TMEM108: variants seen among roughly 807,000 people sequenced by gnomAD.
TMEM108 encodes the protein cancer/testis antigen 124.
Under a neutral mutation model 35.1 loss-of-function variants are expected in TMEM108, and 12 were observed. That is an observed-to-expected ratio of 0.34 (90% confidence interval 0.22 to 0.55). TMEM108 has a LOEUF of 0.55. TMEM108 is among the 20% of genes least tolerant of loss of function. The pLI, the probability that TMEM108 is intolerant of heterozygous loss-of-function variation, is 0.89. For synonymous variants in TMEM108, 287 were observed against 308.6 expected (o/e 0.93, Z 0.73); for missense variants, 680 against 753.3 (o/e 0.90, Z 1.14).
At chr3:133,384,224 T>G (rs565927925) in intron 4 of TMEM108, among the ~76,000 whole-genome samples, 1 of 142,740 alleles carries the variant, frequency 7.0e-6, no homozygotes, top group African/African-American at 2.6e-5. Context: ...TGCCAGATAT[T>G]TCAGGCACTC....
At chr3:133,195,536 T>C (rs559353537) in intron 2 of TMEM108, among the ~76,000 whole-genome samples, 52 of 152,328 alleles carry the variant, frequency 3.4e-4, no homozygotes, top group African/African-American at 1.1e-3. Context: ...CTGTTGTGGC[T>C]CTTAACCTAC....
intron 3 of TMEM108, among the ~76,000 whole-genome samples, chr3:133,313,164 A>G (rs1272830235): frequency 6.6e-6 from 1 of 152,024 alleles, no homozygotes; most frequent in Non-Finnish European, 1.5e-5. Context: ...ATACATTTTC[A>G]AAATTTCTGG....
chr3:133,380,199 G>GCAGGCCCCC lies in TMEM108; in HGVS notation c.498_506dup (p.Arg167_Pro169dup), dbSNP rs774096839. 11 of 1,610,346 alleles carry GCAGGCCCCC rather than the reference G, an allele frequency of 6.8e-6. No individual in the cohort carries two copies. Among genetic ancestry groups the GCAGGCCCCC allele is most frequent in the Admixed American group, 3.4e-5 (2 of 59,586 alleles). On this transcript the variant is annotated inframe_insertion, in exon 4 of 6. Transcript: ENST00000321871. The surrounding 1 kb of genome is among the most constrained non-coding windows in gnomAD (Gnocchi z 5.3). ...ACAGCGCCCCCCCGCACTACCACAC[G>GCAGGCCCCC]CAGGCCCCCCAGGCCCCCAGGCTCT...
rs183892801 is a variant in TMEM108, at chr3:133,160,124, T to A, written c.-46-69142T>A. Among the ~76,000 whole-genome samples the A allele has an allele frequency of 2.6e-5, 4 of 152,336 alleles. No homozygotes were observed. In the East Asian group the frequency reaches 7.7e-4, roughly 29 times the overall value. ...GAGGGGGCTGGCTTTCTGGCCCATC[T>A]GAGGCAGAAGGCACCCTCCAGGTAG... On this transcript the variant is annotated intron_variant, in intron 2 of 5. Transcript: ENST00000321871.
rs747803018 is a variant in TMEM108 at position 133,395,992 on chromosome 3, G to A, written c.*6G>A. 1.3e-6 allele frequency: 2 copies of A among 1,558,424 alleles called. No individual in the cohort carries two copies. Among genetic ancestry groups the A allele is most frequent in the East Asian group, 2.4e-5 (1 of 41,664 alleles). On this transcript the variant is annotated 3_prime_UTR_variant, in exon 6 of 6. Coordinates refer to ENST00000321871, the MANE Select transcript of TMEM108 (RefSeq NM_023943.4). ...ATCAAGTATCTGAGATCTAACTACA[G>A]CAGGCATCACTTTGCCATTCCGTAT...
At chr3:133,128,047 A>G (rs1309976017) in intron 2 of TMEM108, among the ~76,000 whole-genome samples, 1 of 152,354 alleles carries the variant, frequency 6.6e-6, no homozygotes, top group East Asian at 1.9e-4. Flanking sequence ...AAGAGGAAGA[A>G]TTAAGAAATA....
At position 133,118,234 on chromosome 3, in the gene TMEM108, C is replaced by T. The variant is rs568045465; in HGVS notation, c.-47+72214C>T. ...GGGGCCCTCCTTTGGGATTTTTATGCCCATCCAGGTGTGGAAACTACTCAA... is the reference window on the plus strand; with the variant it reads ...GGGGCCCTCCTTTGGGATTTTTATGTCCATCCAGGTGTGGAAACTACTCAA... On this transcript the variant is annotated intron_variant, in intron 2 of 5. Transcript: ENST00000321871. 2.0e-5 allele frequency among the ~76,000 whole-genome samples: 3 copies of T among 152,192 alleles called. No individual in the cohort carries two copies. In the East Asian group the frequency reaches 5.8e-4, roughly 29 times the overall value.
chr3:133,066,662 A>G (rs916825400), intron 2 of TMEM108, among the ~76,000 whole-genome samples: 2 of 152,168 alleles, frequency 1.3e-5, no homozygotes, highest in African/African-American at 4.8e-5. Context: ...AATCTTTAAA[A>G]AGTTAATTTA....
chr3:133,367,217 A>G (rs1420641676), intron 3 of TMEM108, among the ~76,000 whole-genome samples: 1 of 152,200 alleles, frequency 6.6e-6, no homozygotes, highest in Admixed American at 6.5e-5. Flanking sequence ...CTTAGACCAT[A>G]GTGTCATTCT....
At chr3:133,387,689 C>A in intron 4 of TMEM108, 1 of 628,846 alleles carries the variant, frequency 1.6e-6, no homozygotes, top group Non-Finnish European at 2.0e-6. Context: ...GTTTCAGCAC[C>A]TACTGTGCAC....
intron 2 of TMEM108, among the ~76,000 whole-genome samples, chr3:133,181,767 T>A (rs1270274318): frequency 6.6e-6 from 1 of 152,226 alleles, no homozygotes; most frequent in African/African-American, 2.4e-5. Context: ...CATGTTAATC[T>A]TGGACTTTGG....
chr3:133,195,920 C>G (rs1945569297), intron 2 of TMEM108, among the ~76,000 whole-genome samples: 1 of 152,214 alleles, frequency 6.6e-6, no homozygotes, highest in Non-Finnish European at 1.5e-5. Context: ...ATTTCCCTTT[C>G]CATGCCAGTA....
intron 2 of TMEM108, among the ~76,000 whole-genome samples, chr3:133,102,792 A>C (rs1335301507): frequency 6.6e-6 from 1 of 152,194 alleles, no homozygotes; most frequent in African/African-American, 2.4e-5. Flanking sequence ...TATTCAATTG[A>C]TGGTAGGCCT....
intron 2 of TMEM108, among the ~76,000 whole-genome samples, chr3:133,223,343 C>T (rs892536004): frequency 3.9e-5 from 6 of 152,164 alleles, no homozygotes; most frequent in Admixed American, 1.3e-4. Flanking sequence ...CTTCATATCT[C>T]GGTCAGCAGG....
intron 3 of TMEM108, among the ~76,000 whole-genome samples, chr3:133,279,453 G>C (rs1418119999): frequency 6.6e-6 from 1 of 152,234 alleles, no homozygotes; most frequent in Non-Finnish European, 1.5e-5. Context: ...GTGGCAGATA[G>C]TAATGACCCT....
At chr3:133,225,398 A>G (rs1473914278) in intron 2 of TMEM108, among the ~76,000 whole-genome samples, 2 of 151,990 alleles carry the variant, frequency 1.3e-5, no homozygotes, top group Middle Eastern at 3.2e-3. Flanking sequence ...TTTCTTCCTC[A>G]TACAAATCAC....
chr3:133,197,233 G>C (rs945913151), intron 2 of TMEM108, among the ~76,000 whole-genome samples: 1 of 152,146 alleles, frequency 6.6e-6, no homozygotes, highest in South Asian at 2.1e-4. Context: ...GGTAATTAAA[G>C]GTTTTTGTAT....
rs1475693690 is a variant in TMEM108, at chr3:133,346,596, G to A, written c.41-33156G>A. 2.0e-5 allele frequency among the ~76,000 whole-genome samples: 3 copies of A among 151,780 alleles called. No homozygotes were observed. The highest frequency in any genetic ancestry group is 6.6e-5 in the Admixed American group (1 of 15,222). On this transcript the variant is annotated intron_variant, in intron 3 of 5. Transcript: ENST00000321871. The surrounding 1 kb of genome is among the most constrained non-coding windows in gnomAD (Gnocchi z 4.0). ...TGTATGCAATTATTTTCTTCCAGTC[G>A]ATGGCTTGTCTTTTATTCTTTGAAT... is the stretch of plus-strand genomic sequence containing the variant.
chr3:133,162,191 C>T (rs1221501521), intron 2 of TMEM108, among the ~76,000 whole-genome samples: 6 of 150,824 alleles, frequency 4.0e-5, no homozygotes, highest in African/African-American at 1.5e-4. Flanking sequence ...TCTCTTTAAT[C>T]TTGGTATCCC....
Sources: allele counts gnomAD v4.1 joint callset (sites outside exome capture counted in the v4.1 genomes callset), GRCh38; gene constraint gnomAD v4.1.1; non-coding constraint Gnocchi (gnomAD v3.1); transcripts MANE v1.5; gene names NCBI Gene and HGNC (gene_info 2026-07-23, HGNC 2026-07-21).